Variants in LRP1B observed in about 807,000 individuals in gnomAD.
LRP1B encodes low-density lipoprotein receptor-related protein 1B.
LRP1B carries 217 observed loss-of-function variants against 556.6 expected under a neutral mutation model. The ratio of observed to expected loss-of-function variants is 0.39; its 90% CI spans 0.35 to 0.44. The LOEUF (loss-of-function observed/expected upper bound fraction) is 0.44. LRP1B is among the 20% of genes least tolerant of loss of function. The pLI is 1.00. For synonymous variants in LRP1B, 2,047 were observed against 1,865.8 expected, an observed-to-expected ratio of 1.10 and a Z score of -2.50; for missense variants, 5,053 against 5,620.8, an observed-to-expected ratio of 0.90 and a Z score of 3.23.
At chr2:141,056,118 A>C (rs2105457903) in intron 9 of LRP1B, among the ~76,000 whole-genome samples, 1 of 152,010 alleles carries the variant, frequency 6.6e-6, no homozygotes, top group Admixed American at 6.6e-5. Flanking sequence ...TGCTTTTAAA[A>C]ATTATGCCTA....
intron 7 of LRP1B, among the ~76,000 whole-genome samples, chr2:141,108,212 C>T (rs1700655330): frequency 6.8e-6 from 1 of 146,876 alleles, no homozygotes; most frequent in Admixed American, 6.7e-5. Flanking sequence ...CTGGAAATAA[C>T]AACAACAATC....
chr2:140,296,581 C>G (rs753322984), intron 84 of LRP1B, among the ~76,000 whole-genome samples: 2 of 151,898 alleles, frequency 1.3e-5, no homozygotes, highest in African/African-American at 4.8e-5. Context: ...GTGAATTTGC[C>G]GAGGCAGTAG....
At chr2:140,438,895 C>T (rs1226276232) in intron 66 of LRP1B, among the ~76,000 whole-genome samples, 1 of 151,998 alleles carries the variant, frequency 6.6e-6, no homozygotes, top group East Asian at 1.9e-4. Flanking sequence ...GGCTAGAAAG[C>T]TGGGGCATGA....
intron 49 of LRP1B, among the ~76,000 whole-genome samples, chr2:140,522,515 C>G (rs1488504461): frequency 4.6e-5 from 7 of 150,804 alleles, no homozygotes; most frequent in Non-Finnish European, 4.4e-5. Context: ...CTAAACGAAC[C>G]AAGGAAAGAA....
At chr2:141,731,437 T>C (rs1394618299) in intron 2 of LRP1B, among the ~76,000 whole-genome samples, 1 of 152,164 alleles carries the variant, frequency 6.6e-6, no homozygotes, top group Non-Finnish European at 1.5e-5. Flanking sequence ...TTTAATTAGA[T>C]GTAAAAATTG....
intron 35 of LRP1B, among the ~76,000 whole-genome samples, chr2:140,767,972 G>T (rs1430514312): frequency 6.6e-6 from 1 of 151,836 alleles, no homozygotes; most frequent in Non-Finnish European, 1.5e-5. Context: ...AGACAAGGTA[G>T]ATTATTCATT....
chr2:142,022,526 C>T (rs1402817751), intron 1 of LRP1B, among the ~76,000 whole-genome samples: 1 of 152,002 alleles, frequency 6.6e-6, no homozygotes, highest in Non-Finnish European at 1.5e-5. Flanking sequence ...TCAGTGTATA[C>T]TCCTTACTTG....
chr2:141,386,854 C>T (rs1238326313), intron 3 of LRP1B, among the ~76,000 whole-genome samples: 2 of 151,970 alleles, frequency 1.3e-5, no homozygotes, highest in Non-Finnish European at 2.9e-5. Flanking sequence ...TGGATAAACA[C>T]TATAAATTGA....
At chr2:141,077,555 C>T (rs1311114095) in intron 7 of LRP1B, among the ~76,000 whole-genome samples, 1 of 152,036 alleles carries the variant, frequency 6.6e-6, no homozygotes, top group Admixed American at 6.6e-5. Flanking sequence ...GAGGGTACTT[C>T]GTGTCTATAG....
rs1215452290 is a variant in LRP1B at position 140,858,722 on chromosome 2, G to GCT, written c.4580-6941_4580-6940dup. The stretch of plus-strand genomic sequence containing the variant: ...GTATCCATTAGCGATTTTTCCTGAT[G>GCT]CTCTCTCTCCCCTATCCCCACCCCT... On this transcript the variant is annotated intron_variant, in intron 27 of 90. Coordinates refer to ENST00000389484, the MANE Select transcript of LRP1B (RefSeq NM_018557.3). 1.3e-4 allele frequency among the ~76,000 whole-genome samples: 20 copies of GCT among 151,990 alleles called. 1 individual carries two copies. Among genetic ancestry groups the GCT allele is most frequent in the Admixed American group, 1.2e-3 (18 of 15,238 alleles).
chr2:141,519,298 T>C (rs1381466015), intron 2 of LRP1B, among the ~76,000 whole-genome samples: 1 of 148,274 alleles, frequency 6.7e-6, no homozygotes, highest in Non-Finnish European at 1.5e-5. Context: ...CAATGTTAAA[T>C]ATCATGGCCA....
intron 18 of LRP1B, among the ~76,000 whole-genome samples, chr2:140,962,674 A>G (rs1355482139): frequency 6.6e-6 from 1 of 152,212 alleles, no homozygotes; most frequent in Non-Finnish European, 1.5e-5. Flanking sequence ...GATTTCATCA[A>G]AGCAATGAGC....
At chr2:140,859,236 G>GAA (rs199756532) in intron 27 of LRP1B, among the ~76,000 whole-genome samples, 5 of 145,788 alleles carry the variant, frequency 3.4e-5, no homozygotes, top group African/African-American at 1.3e-4. Flanking sequence ...TGACAAAAAA[G>GAA]AAAAAAAAAA....
chr2:141,005,296 G>A (rs776587524), intron 15 of LRP1B, 39 bp downstream of exon 15: 5 of 1,598,528 alleles, frequency 3.1e-6, no homozygotes, highest in African/African-American at 1.3e-5. Context: ...TTCAGAAAGA[G>A]CCCGATAAAC....
chr2:141,128,999 A>G (rs748871350), intron 7 of LRP1B, among the ~76,000 whole-genome samples: 38 of 152,202 alleles, frequency 2.5e-4, no homozygotes, highest in African/African-American at 7.7e-4. Flanking sequence ...GATATTTGAA[A>G]TAAACGATTT....
intron 84 of LRP1B, among the ~76,000 whole-genome samples, chr2:140,284,153 A>C (rs914014686): frequency 6.6e-6 from 1 of 151,740 alleles, no homozygotes; most frequent in African/African-American, 2.4e-5. Context: ...TGATACAATT[A>C]ATTAACATAT....
At chr2:141,548,802 T>A (rs1685643271) in intron 2 of LRP1B, among the ~76,000 whole-genome samples, 1 of 152,174 alleles carries the variant, frequency 6.6e-6, no homozygotes, top group Admixed American at 6.6e-5. Flanking sequence ...ACATCCAGTA[T>A]TTATGTGGTT....
intron 14 of LRP1B, among the ~76,000 whole-genome samples, chr2:141,007,476 A>G (rs940432227): frequency 6.6e-6 from 1 of 150,724 alleles, no homozygotes; most frequent in African/African-American, 2.4e-5. Flanking sequence ...TCAGAGGGTA[A>G]TTAAGCCTAA....
chr2:141,687,688 C>T (rs1028610441), intron 2 of LRP1B, among the ~76,000 whole-genome samples: 6 of 151,772 alleles, frequency 4.0e-5, no homozygotes, highest in African/African-American at 1.4e-4. Flanking sequence ...CATTTTTACC[C>T]TTGTGATTAT....
Sources: allele counts gnomAD v4.1 joint callset (sites outside exome capture counted in the v4.1 genomes callset), GRCh38; gene constraint gnomAD v4.1.1; transcripts MANE v1.5; gene names NCBI Gene and HGNC (gene_info 2026-07-23, HGNC 2026-07-21).